Variants in NBPF11 observed in about 807,000 individuals in gnomAD.
The protein encoded by NBPF11 is NBPF member 11, also known as NBPF family member NBPF11.
Under a neutral mutation model 93.9 loss-of-function variants are expected in NBPF11, and 72 were observed. That is an observed-to-expected ratio of 0.77 (90% CI 0.63 to 0.93). The LOEUF (loss-of-function observed/expected upper bound fraction) is 0.93, where lower values mean the gene tolerates loss of function less well. Ranked by LOEUF, NBPF11 falls within the 40% of genes least tolerant of loss-of-function variation. NBPF11 has a pLI of 0.00. For missense variants in NBPF11, 705 were observed against 802.2 expected (o/e 0.88, Z 1.46); for synonymous variants, 224 against 304.9 (o/e 0.73, Z 2.76).
At chr1:148,151,093 G>A (rs1553882615) in intron 1 of NBPF11, among the ~76,000 whole-genome samples, 2 of 151,854 alleles carry the variant, frequency 1.3e-5, no homozygotes, top group South Asian at 2.1e-4. Flanking sequence ...CAAATGAGAT[G>A]ATCTAAGAAG....
chr1:148,119,680 C>A (rs1431313087), intron 10 of NBPF11, among the ~76,000 whole-genome samples: 1 of 151,762 alleles, frequency 6.6e-6, no homozygotes, highest in Non-Finnish European at 1.5e-5. Context: ...TTTTTTTTAA[C>A]AGTCTTGCCC....
intron 21 of NBPF11, 67 bp from the exon 22 acceptor site, chr1:148,105,595 T>A (rs1663360810): frequency 2.8e-6 from 2 of 713,952 alleles, no homozygotes; most frequent in Admixed American, 3.9e-5. Flanking sequence ...CCCAACTAGG[T>A]TTCATGGGTA....
intron 5 of NBPF11, among the ~76,000 whole-genome samples, 165 bp downstream of exon 5, chr1:148,126,664 A>C (rs1427422372): frequency 6.6e-6 from 1 of 151,286 alleles, no homozygotes; most frequent in Non-Finnish European, 1.5e-5. Flanking sequence ...AAACATGGAA[A>C]GTTGCTAAAT....
At chr1:148,117,075 A>G (rs1397439745) in intron 12 of NBPF11, among the ~76,000 whole-genome samples, 1 of 151,992 alleles carries the variant, frequency 6.6e-6, no homozygotes, top group Non-Finnish European at 1.5e-5. Context: ...CACCACACGG[A>G]GAGGGGCTTC....
intron 7 of NBPF11, 45 bp from the exon 8 acceptor site, chr1:148,122,846 C>A: frequency 6.2e-7 from 1 of 1,608,962 alleles, no homozygotes. Flanking sequence ...ACTTCACATT[C>A]TGCAAGCACA....
chr1:148,103,937 A>C (rs1200327263), intron 23 of NBPF11, 25 bp from the exon 24 acceptor site: 6 of 1,610,504 alleles, frequency 3.7e-6, no homozygotes, highest in Non-Finnish European at 4.2e-6. Context: ...AAAACTAAAG[A>C]AGCAGCCAGG....
chr1:148,130,842 G>A (rs1670204510), intron 4 of NBPF11, among the ~76,000 whole-genome samples: 3 of 151,750 alleles, frequency 2.0e-5, no homozygotes, highest in African/African-American at 7.3e-5. Flanking sequence ...TGTCACTTCA[G>A]GTCCGTTTGC....
chr1:148,140,739 C>A (rs1362925689), intron 2 of NBPF11, among the ~76,000 whole-genome samples: 1 of 151,894 alleles, frequency 6.6e-6, no homozygotes, highest in Non-Finnish European at 1.5e-5. Flanking sequence ...AAACACAAAA[C>A]GGTGAACACA....
chr1:148,115,662 C>T, intron 14 of NBPF11, 131 bp downstream of exon 14: 6 of 1,303,682 alleles, frequency 4.6e-6, no homozygotes, highest in Non-Finnish European at 6.4e-6. Context: ...GACAAAAAAA[C>T]TCCCTGATAT....
At chr1:148,135,909 C>T in intron 3 of NBPF11, 96 bp from the exon 4 acceptor site, 1 of 852,856 alleles carries the variant, frequency 1.2e-6, no homozygotes, top group Non-Finnish European at 1.9e-6. Flanking sequence ...ACTTGAGTGC[C>T]CTGTGTGGCC....
chr1:148,137,088 G>A (rs1479573308), intron 3 of NBPF11, among the ~76,000 whole-genome samples: 11 of 151,890 alleles, frequency 7.2e-5, no homozygotes, highest in Non-Finnish European at 1.6e-4. Flanking sequence ...GCCTCTTAAG[G>A]TGATGAGACA....
intron 1 of NBPF11, among the ~76,000 whole-genome samples, chr1:148,151,487 C>G (rs1405751552): frequency 2.0e-5 from 3 of 152,076 alleles, no homozygotes; most frequent in Non-Finnish European, 4.4e-5. Flanking sequence ...TCCCTCCACC[C>G]CCTGGGATGC....
intron 3 of NBPF11, among the ~76,000 whole-genome samples, chr1:148,136,823 G>A (rs1671367685): frequency 6.6e-6 from 1 of 151,882 alleles, no homozygotes; most frequent in Admixed American, 6.6e-5. Context: ...TTATGTCAAG[G>A]ATCTGCACTT....
intron 7 of NBPF11, among the ~76,000 whole-genome samples, chr1:148,123,567 C>T (rs1375116425): frequency 8.9e-6 from 1 of 112,854 alleles, no homozygotes; most frequent in Non-Finnish European, 2.0e-5. Context: ...CCAACAAGCG[C>T]CCTCCCATCA....
At chr1:148,141,127 T>C (rs1353702622) in intron 2 of NBPF11, among the ~76,000 whole-genome samples, 1 of 151,464 alleles carries the variant, frequency 6.6e-6, no homozygotes, top group Non-Finnish European at 1.5e-5. Flanking sequence ...AAACGATGAG[T>C]GGTTGTCAGG....
chr1:148,103,760 C>A lies in NBPF11; in HGVS notation c.*136G>T, dbSNP rs1309830352. On this transcript the variant is annotated 3_prime_UTR_variant, in exon 24 of 24. Transcript: ENST00000682118. ...CCTATTGTCCATGTCAAGGGCAAAGCTGATGTGCTGTTCCTCAAATGAGTA... is the reference window on the plus strand; with the variant it reads ...CCTATTGTCCATGTCAAGGGCAAAGATGATGTGCTGTTCCTCAAATGAGTA... 1.9e-6 allele frequency: 3 copies of A among 1,611,714 alleles called. No homozygotes were observed. The highest frequency in any genetic ancestry group is 2.5e-6 in the Non-Finnish European group (3 of 1,179,436).
chr1:148,110,134 C>A (rs1317147308), intron 16 of NBPF11, among the ~76,000 whole-genome samples: 5 of 151,892 alleles, frequency 3.3e-5, no homozygotes, highest in Non-Finnish European at 7.3e-5. Context: ...AGTTCAATGT[C>A]GTGACAGTCA....
chr1:148,106,731 C>T (rs1221390482), intron 20 of NBPF11, among the ~76,000 whole-genome samples: 3,612 of 146,280 alleles, frequency 0.025, 170 homozygotes, highest in African/African-American at 0.091. Context: ...ATAGGCATGG[C>T]TGGAGACTAG....
At chr1:148,142,313 C>T (rs1380347124) in intron 2 of NBPF11, among the ~76,000 whole-genome samples, 1 of 151,970 alleles carries the variant, frequency 6.6e-6, no homozygotes, top group Non-Finnish European at 1.5e-5. Flanking sequence ...TATACTGTTT[C>T]CATGGGGTAC....
Sources: gnomAD v4.1 joint callset for allele counts (sites outside exome capture counted in the v4.1 genomes callset) on GRCh38, gnomAD v4.1.1 for gene constraint, MANE v1.5 for transcripts, NCBI Gene and HGNC (gene_info 2026-07-23, HGNC 2026-07-21) for gene names.